ASCC3: variants seen among roughly 807,000 people sequenced by gnomAD.
ASCC3 encodes ASC-1 complex subunit P200.
In ASCC3, 158 loss-of-function variants were observed where a neutral mutation model predicts 256.3. The ratio of observed to expected loss-of-function variants is 0.62; its 90% CI spans 0.54 to 0.70. The LOEUF is 0.70. Ranked by LOEUF, ASCC3 falls within the 30% of genes least tolerant of loss-of-function variation. The probability of loss-of-function intolerance (pLI) is 0.00; values close to 1 mark genes in which losing one functional copy is unlikely to be tolerated. For synonymous variants in ASCC3, 948 were observed against 883.4 expected (o/e 1.07, Z -1.30); for missense variants, 2,259 against 2,626.0 (o/e 0.86, Z 3.05).
chr6:100,695,706 C>CT (rs11438055), intron 13 of ASCC3, among the ~76,000 whole-genome samples: 6,453 of 152,208 alleles, frequency 0.042, 242 homozygotes, highest in East Asian at 0.19. Flanking sequence ...AATTGGTCTA[C>CT]TTTTTTTCTC....
intron 32 of ASCC3, 117 bp from the exon 33 acceptor site, chr6:100,605,817 A>G: frequency 8.2e-7 from 1 of 1,215,094 alleles, no homozygotes; most frequent in East Asian, 2.5e-5. Flanking sequence ...GAATATTGTG[A>G]TAATATGTTT....
chr6:100,850,098 C>CAA (rs61582863), intron 3 of ASCC3, among the ~76,000 whole-genome samples: 1,128 of 80,514 alleles, frequency 0.014, 29 homozygotes, highest in East Asian at 0.049. Context: ...GAGACTCTAT[C>CAA]AAAAAAAAAA....
At chr6:100,670,247 G>A (rs762490610) in intron 14 of ASCC3, among the ~76,000 whole-genome samples, 17 of 151,790 alleles carry the variant, frequency 1.1e-4, no homozygotes, top group Non-Finnish European at 2.2e-4. Context: ...ACTTAAAAAC[G>A]TTAACACTAC....
At chr6:100,582,455 G>A (rs1771346523) in intron 36 of ASCC3, among the ~76,000 whole-genome samples, 1 of 151,420 alleles carries the variant, frequency 6.6e-6, no homozygotes. Context: ...AGACTTTGCT[G>A]AAGTTGCTTA....
chr6:100,512,945 A>C (rs1562084135), intron 39 of ASCC3, 27 bp from the exon 40 acceptor site: 1 of 1,591,728 alleles, frequency 6.3e-7, no homozygotes, highest in South Asian at 1.1e-5. Context: ...AAGAAACAAT[A>C]AAGGAGGAGT....
chr6:100,608,090 C>CATATATATGTA (rs1562160992), intron 30 of ASCC3, among the ~76,000 whole-genome samples: 1 of 71,622 alleles, frequency 1.4e-5, no homozygotes, highest in Non-Finnish European at 2.7e-5. Context: ...GTATATATAT[C>CATATATATGTA]TATATACACA....
In ASCC3 at chr6:100,760,708, C is replaced by G. The variant is rs1027730988; in HGVS notation, c.1737+5857G>C. Among the ~76,000 whole-genome samples, 4 of 152,140 alleles carry G rather than the reference C, an allele frequency of 2.6e-5. No individual in the cohort carries two copies. The East Asian group carries it at 5.8e-4, about 22-fold the overall frequency. On this transcript the variant is annotated intron_variant, in intron 10 of 41. Transcript: ENST00000369162. ...AAGTTAAAAACTAATTGGAAGAGCT[C>G]AACCACAGAATGTAGACAGCAAAAT...
At chr6:100,526,084 T>C (rs754883969) in intron 37 of ASCC3, among the ~76,000 whole-genome samples, 3 of 152,208 alleles carry the variant, frequency 2.0e-5, no homozygotes, top group Non-Finnish European at 4.4e-5. Context: ...CAGTTGTTCA[T>C]AGTAACTTTC....
At chr6:100,725,199 C>G (rs1395592076) in intron 11 of ASCC3, among the ~76,000 whole-genome samples, 3 of 151,932 alleles carry the variant, frequency 2.0e-5, no homozygotes, top group African/African-American at 7.2e-5. Context: ...AAGTGTTCAT[C>G]TATTTTCTAT....
chr6:100,511,469 T>C (rs563207386), intron 40 of ASCC3, among the ~76,000 whole-genome samples: 16 of 152,050 alleles, frequency 1.1e-4, no homozygotes, highest in Admixed American at 4.6e-4. Context: ...TGGTGGCTCA[T>C]GCTGGTAATC....
intron 25 of ASCC3, 109 bp downstream of exon 25, chr6:100,638,492 G>T: frequency 1.1e-6 from 1 of 914,666 alleles, no homozygotes; most frequent in Non-Finnish European, 1.7e-6. Context: ...AATTCACTGA[G>T]AGTGACAAAT....
chr6:100,608,731 TTA>T (rs1169558095), intron 30 of ASCC3, among the ~76,000 whole-genome samples: 376 of 2,708 alleles, frequency 0.14, 68 homozygotes, highest in East Asian at 0.22. Context: ...TATATATACT[TTA>T]TATATATATA....
At chr6:100,628,908 G>T in intron 27 of ASCC3, 107 bp downstream of exon 27, 2 of 1,053,032 alleles carry the variant, frequency 1.9e-6, no homozygotes, top group Non-Finnish European at 1.4e-6. Flanking sequence ...AAATCACATT[G>T]TGCCCTAGAA....
chr6:100,783,933 T>C (rs1782568885), intron 8 of ASCC3, among the ~76,000 whole-genome samples: 1 of 152,162 alleles, frequency 6.6e-6, no homozygotes. Flanking sequence ...GGTAGGTCTT[T>C]TTATCGTCCT....
At chr6:100,528,093 C>T (rs576656762) in intron 37 of ASCC3, among the ~76,000 whole-genome samples, 31 of 152,182 alleles carry the variant, frequency 2.0e-4, no homozygotes, top group African/African-American at 7.5e-4. Context: ...CCTGCCTCAG[C>T]TCCCCCCTGT....
intron 14 of ASCC3, among the ~76,000 whole-genome samples, chr6:100,669,317 T>C (rs1202052209): frequency 6.7e-6 from 1 of 149,642 alleles, no homozygotes; most frequent in Non-Finnish European, 1.5e-5. Flanking sequence ...TAAAAAGACA[T>C]ATATACACTA....
Position 100,509,235 on chromosome 6 carries a change from G to A in ASCC3, c.*151C>T. 1 of 981,572 alleles carries A rather than the reference G, an allele frequency of 1.0e-6. No individual in the cohort carries two copies. The highest frequency in any genetic ancestry group is 1.6e-6 in the Non-Finnish European group (1 of 628,130). The allele number at this position is 981,572 out of a possible 1,614,324, so 60.8% of individuals were successfully genotyped here. The stretch of plus-strand genomic sequence containing the variant: ...CCACTGTGGTTAACTTTATGTCACT[G>A]GAGTCAATACTGCAGCCACTGTCAA... On this transcript the variant is annotated 3_prime_UTR_variant, in exon 42 of 42. Coordinates refer to ENST00000369162, the MANE Select transcript of ASCC3 (RefSeq NM_006828.4).
intron 30 of ASCC3, among the ~76,000 whole-genome samples, chr6:100,609,073 T>C (rs1325173120): frequency 6.6e-6 from 1 of 151,552 alleles, no homozygotes; most frequent in Non-Finnish European, 1.5e-5. Context: ...GCTATAAATA[T>C]TTTTGCCCCC....
At position 100,717,900 on chromosome 6, in the gene ASCC3, G is replaced by C. The variant is rs575646047; in HGVS notation, c.2079+175C>G. ...CTACTACAAATAGTTGAGGAAGTAT[G>C]CTTGATTTTGTCTAGGATATCACAT... On this transcript the variant is annotated intron_variant, in intron 12 of 41. Coordinates refer to ENST00000369162, the MANE Select transcript of ASCC3 (RefSeq NM_006828.4). 1.1e-3 allele frequency among the ~76,000 whole-genome samples: 170 copies of C among 152,204 alleles called. 1 individual carries two copies. Among genetic ancestry groups the C allele is most frequent in the Middle Eastern group, 3.4e-3 (1 of 294 alleles).
Sources: gnomAD v4.1 joint callset for allele counts (sites outside exome capture counted in the v4.1 genomes callset) on GRCh38, gnomAD v4.1.1 for gene constraint, MANE v1.5 for transcripts, NCBI Gene and HGNC (gene_info 2026-07-23, HGNC 2026-07-21) for gene names.